The following CDH23 variants were observed in gnomAD, a reference collection of about 807,000 sequenced individuals.
CDH23 encodes cadherin related 23.
Under a neutral mutation model 317.1 loss-of-function variants are expected in CDH23, and 189 were observed. The observed-to-expected ratio is 0.60, with a 90% CI of 0.53 to 0.67. The LOEUF (loss-of-function observed/expected upper bound fraction) is 0.67. Ranked by LOEUF, CDH23 falls within the 30% of genes least tolerant of loss-of-function variation. The probability of loss-of-function intolerance (pLI) is 0.00; values close to 1 mark genes in which losing one functional copy is unlikely to be tolerated. For missense variants in CDH23, 4,401 were observed against 4,592.4 expected (o/e 0.96, Z 1.20); for synonymous variants, 1,839 against 1,876.8 (o/e 0.98, Z 0.52).
At chr10:71,477,495 G>A (rs1235514976) in intron 3 of CDH23, among the ~76,000 whole-genome samples, 2 of 152,088 alleles carry the variant, frequency 1.3e-5, no homozygotes, top group Admixed American at 6.6e-5. Context: ...ATCTTCCTCA[G>A]GCCTCTGTCT....
At chr10:71,539,721 C>A (rs1262812490) in intron 6 of CDH23, among the ~76,000 whole-genome samples, 2 of 151,910 alleles carry the variant, frequency 1.3e-5, no homozygotes, top group Non-Finnish European at 2.9e-5. Context: ...TCTTTCCTCT[C>A]TCCCTTCTCT....
In CDH23 at chr10:71,667,293, C is replaced by T. The variant is rs529055114; in HGVS notation, c.1450-7819C>T. On this transcript the variant is annotated intron_variant, in intron 14 of 69. Transcript: ENST00000224721. Reference sequence around the variant, plus strand: ...GTCTAGGGAGGGGGTGTGGAGGAGACCACAGGGGCTGAGACTGGGCTGGAG... The same window carrying T: ...GTCTAGGGAGGGGGTGTGGAGGAGATCACAGGGGCTGAGACTGGGCTGGAG... Among the ~76,000 whole-genome samples the T allele has an allele frequency of 2.6e-4, 39 of 151,120 alleles. 2 individuals carry two copies. The East Asian group carries it at 3.1e-3, about 12-fold the overall frequency.
At chr10:71,570,422 T>C (rs1857710887) in intron 7 of CDH23, among the ~76,000 whole-genome samples, 1 of 152,152 alleles carries the variant, frequency 6.6e-6, no homozygotes, top group Non-Finnish European at 1.5e-5. Context: ...GCACCATATC[T>C]ACTCCAAGCT....
In CDH23 at chr10:71,690,530, T is replaced by G. The variant is rs764332602; in HGVS notation, c.2122T>G (p.Ser708Ala). 9.3e-6 allele frequency: 15 copies of G among 1,609,566 alleles called. No homozygotes were observed. In the Middle Eastern group the frequency reaches 4.9e-4, roughly 53 times the overall value. ...CCGCTCCCGGGAGTACGGCCAGGAG[T>G]CCATCATCTACTCCTTGGAAGGCTC... ...LDRSREYGQESIIYSLEGSTQ... is the reference protein window; with the variant it reads ...LDRSREYGQEAIIYSLEGSTQ... The change falls in exon 20 of 70, where the codon TCC becomes GCC. Residue 708 changes from serine to alanine, a missense_variant. This residue lies in a region of CDH23 where 3,068 missense variants were observed against 3,203.3 expected (regional missense o/e 0.96). Transcript: ENST00000224721.
intron 6 of CDH23, among the ~76,000 whole-genome samples, chr10:71,521,544 C>A (rs1854683469): frequency 6.6e-6 from 1 of 152,326 alleles, no homozygotes; most frequent in Admixed American, 6.5e-5. Flanking sequence ...CTGCGGTGCC[C>A]TCCCCTGAGA....
At chr10:71,439,729 C>A (rs1433452768) in intron 1 of CDH23, 98 bp from the exon 2 acceptor site, 22 of 833,558 alleles carry the variant, frequency 2.6e-5, no homozygotes, top group Admixed American at 8.8e-5. Flanking sequence ...TTCCCAGCCC[C>A]AGTTCTCTCT....
At chr10:71,752,049 C>T (rs752588599) in intron 38 of CDH23, 30 of 733,738 alleles carry the variant, frequency 4.1e-5, no homozygotes, top group Non-Finnish European at 2.2e-5. Context: ...CACCTGCCCA[C>T]CTGTCCTGAG....
intron 3 of CDH23, among the ~76,000 whole-genome samples, chr10:71,497,212 A>T (rs1021689605): frequency 1.3e-5 from 2 of 152,196 alleles, no homozygotes; most frequent in African/African-American, 4.8e-5. Context: ...GTTTATTTTA[A>T]TGATAATGTC....
intron 35 of CDH23, 41 bp downstream of exon 35, chr10:71,738,688 CG>C: frequency 6.3e-7 from 1 of 1,599,870 alleles, no homozygotes. Flanking sequence ...ACCATGTCAG[CG>C]GGGCTCCCAC....
At chr10:71,424,535 C>G (rs867829537) in intron 1 of CDH23, among the ~76,000 whole-genome samples, 18 of 152,194 alleles carry the variant, frequency 1.2e-4, no homozygotes, top group South Asian at 2.1e-4. Flanking sequence ...TACCCCCACT[C>G]ATCCCCACAG....
rs115363699 is a variant in CDH23, at chr10:71,781,783, A to G, written c.5368+2336A>G. The stretch of plus-strand genomic sequence containing the variant: ...CTTCCTCCCCCAAGGAAGGAAGAGT[A>G]GACATTTAGAGCCCAAAGATAACTT... On this transcript the variant is annotated intron_variant, in intron 41 of 69. Transcript: ENST00000224721. Among the ~76,000 whole-genome samples the G allele has an allele frequency of 3.6e-3, 549 of 152,316 alleles. 2 individuals carry two copies. Among genetic ancestry groups the G allele is most frequent in the African/African-American group, 0.013 (532 of 41,568 alleles).
intron 9 of CDH23, among the ~76,000 whole-genome samples, chr10:71,602,136 C>G (rs1414714704): frequency 6.7e-6 from 1 of 149,616 alleles, no homozygotes; most frequent in Non-Finnish European, 1.5e-5. Context: ...CAATTTGATT[C>G]ATAAATTACC....
chr10:71,719,217 C>G (rs1022265897), intron 28 of CDH23, among the ~76,000 whole-genome samples: 2 of 152,334 alleles, frequency 1.3e-5, no homozygotes, highest in African/African-American at 4.8e-5. Flanking sequence ...GCTGCCAGGC[C>G]CCTTGACACC....
At chr10:71,686,270 G>A (rs373975302) in intron 18 of CDH23, among the ~76,000 whole-genome samples, 6 of 152,110 alleles carry the variant, frequency 3.9e-5, no homozygotes, top group South Asian at 2.1e-4. Flanking sequence ...AAGCTTAAAT[G>A]TATAAGTATA....
At chr10:71,705,182 T>C (rs1209459388) in intron 25 of CDH23, 52 bp downstream of exon 25, 4 of 1,523,384 alleles carry the variant, frequency 2.6e-6, no homozygotes, top group Non-Finnish European at 3.6e-6. Flanking sequence ...GGCACAGGCC[T>C]GGGTCAGGGG....
At chr10:71,687,180 G>C (rs1259702748) in intron 18 of CDH23, among the ~76,000 whole-genome samples, 1 of 152,224 alleles carries the variant, frequency 6.6e-6, no homozygotes, top group African/African-American at 2.4e-5. Context: ...ACCTGACCCT[G>C]AGCTGCCATA....
intron 34 of CDH23, among the ~76,000 whole-genome samples, chr10:71,738,046 G>A (rs139020881): frequency 1.1e-3 from 166 of 152,242 alleles, no homozygotes; most frequent in African/African-American, 3.7e-3. Context: ...ATGTGTTTTG[G>A]ACAGCCCACA....
chr10:71,746,894 T>C (rs1225819989), intron 38 of CDH23, among the ~76,000 whole-genome samples: 1 of 152,198 alleles, frequency 6.6e-6, no homozygotes, highest in African/African-American at 2.4e-5. Flanking sequence ...CGTGACGGTC[T>C]ATGAGCTGGG....
chr10:71,616,194 A>C (rs1861181314), intron 10 of CDH23, among the ~76,000 whole-genome samples: 1 of 152,222 alleles, frequency 6.6e-6, no homozygotes, highest in South Asian at 2.1e-4. Context: ...AAACCCGTTT[A>C]GGGGTATGGA....
Sources: gnomAD v4.1 joint callset for allele counts (sites outside exome capture counted in the v4.1 genomes callset) on GRCh38, gnomAD v4.1.1 for gene constraint, gnomAD v4.1.1 regional missense constraint, MANE v1.5 for transcripts, NCBI Gene and HGNC (gene_info 2026-07-23, HGNC 2026-07-21) for gene names.